The following ASIC2 variants were observed in gnomAD, a reference collection of about 807,000 sequenced individuals.
The protein encoded by ASIC2 is acid sensing ion channel subunit 2.
A neutral mutation model predicts 57.3 loss-of-function variants in ASIC2; 25 were observed. That is an observed-to-expected ratio of 0.44 (90% confidence interval 0.32 to 0.61). The LOEUF (loss-of-function observed/expected upper bound fraction) is 0.61, where lower values mean the gene tolerates loss of function less well. ASIC2 is among the 20% of genes least tolerant of loss of function. The probability of loss-of-function intolerance (pLI) is 0.06; values close to 1 mark genes in which losing one functional copy is unlikely to be tolerated. For synonymous variants in ASIC2, 319 were observed against 307.5 expected (o/e 1.04, Z -0.39); for missense variants, 641 against 738.1 (o/e 0.87, Z 1.52).
chr17:33,504,800 C>T (rs1365438741), intron 1 of ASIC2, among the ~76,000 whole-genome samples: 1 of 152,190 alleles, frequency 6.6e-6, no homozygotes, highest in African/African-American at 2.4e-5. Context: ...TTCCTGGGCT[C>T]AGTATGTAGA....
chr17:34,067,006 C>T (rs753283844), intron 1 of ASIC2, among the ~76,000 whole-genome samples: 1 of 152,212 alleles, frequency 6.6e-6, no homozygotes, highest in Non-Finnish European at 1.5e-5. Context: ...AACTGCAAGA[C>T]GGAACACTGC....
At chr17:33,672,813 C>T (rs1015635457) in intron 1 of ASIC2, among the ~76,000 whole-genome samples, 8 of 152,140 alleles carry the variant, frequency 5.3e-5, no homozygotes, top group South Asian at 2.1e-4. Context: ...TGAGATGAGA[C>T]GCCTGCAGAA....
intron 1 of ASIC2, among the ~76,000 whole-genome samples, chr17:33,141,938 T>C (rs1904328316): frequency 6.6e-6 from 1 of 152,202 alleles, no homozygotes; most frequent in African/African-American, 2.4e-5. Context: ...ATGTACAAAA[T>C]AGCAATAAGG....
chr17:34,049,921 T>G (rs140490755), intron 1 of ASIC2, among the ~76,000 whole-genome samples: 1 of 152,194 alleles, frequency 6.6e-6, no homozygotes, highest in African/African-American at 2.4e-5. Context: ...TTTACCTGCC[T>G]GACTCCTCAA....
chr17:33,044,720 T>A (rs138632706), intron 3 of ASIC2, among the ~76,000 whole-genome samples: 1 of 152,186 alleles, frequency 6.6e-6, no homozygotes, highest in African/African-American at 2.4e-5. Flanking sequence ...ATTGAGGCTA[T>A]GAAGATGAAT....
chr17:34,109,056 T>C (rs1598031127), intron 1 of ASIC2, among the ~76,000 whole-genome samples: 1 of 149,024 alleles, frequency 6.7e-6, no homozygotes. Flanking sequence ...TTTATTTTTA[T>C]TTTATTTTAT....
chr17:33,233,658 T>C (rs1908192599), intron 1 of ASIC2, among the ~76,000 whole-genome samples: 1 of 151,996 alleles, frequency 6.6e-6, no homozygotes, highest in African/African-American at 2.4e-5. Flanking sequence ...TGGGTGGATG[T>C]AGGCCACACA....
At chr17:33,894,049 G>A (rs1268310360) in intron 1 of ASIC2, among the ~76,000 whole-genome samples, 3 of 150,798 alleles carry the variant, frequency 2.0e-5, no homozygotes, top group African/African-American at 7.3e-5. Context: ...AAGCTGATTG[G>A]CTCTATATTT....
intron 1 of ASIC2, among the ~76,000 whole-genome samples, chr17:33,247,979 T>C (rs958384680): frequency 1.1e-4 from 16 of 152,204 alleles, no homozygotes; most frequent in East Asian, 7.7e-4. Flanking sequence ...TTGATATATA[T>C]TCGAACACAA....
At chr17:33,928,982 CCTT>C (rs764014333) in intron 1 of ASIC2, among the ~76,000 whole-genome samples, 1 of 152,126 alleles carries the variant, frequency 6.6e-6, no homozygotes, top group African/African-American at 2.4e-5. Context: ...ATGAAATTTT[CCTT>C]CTTCTTTCTT....
chr17:33,849,628 G>A (rs1435740702), intron 1 of ASIC2, among the ~76,000 whole-genome samples: 2 of 152,138 alleles, frequency 1.3e-5, no homozygotes, highest in Non-Finnish European at 2.9e-5. Flanking sequence ...CCTTCCCCTT[G>A]AGTATGGAAG....
intron 1 of ASIC2, chr17:33,627,166 C>G (rs902304559): frequency 2.6e-5 from 4 of 152,244 alleles, no homozygotes; most frequent in Non-Finnish European, 4.4e-5. Flanking sequence ...TCCTAGTCTG[C>G]CGGAACAAGC....
At chr17:33,304,999 C>T (rs1906110882) in intron 1 of ASIC2, among the ~76,000 whole-genome samples, 1 of 152,038 alleles carries the variant, frequency 6.6e-6, no homozygotes, top group African/African-American at 2.4e-5. Context: ...GTTTTATTTT[C>T]AGTTGAGCGG....
intron 3 of ASIC2, among the ~76,000 whole-genome samples, chr17:33,029,273 C>T (rs1598241960): frequency 6.6e-6 from 1 of 152,230 alleles, no homozygotes; most frequent in Non-Finnish European, 1.5e-5. Flanking sequence ...GTTTCTGTCC[C>T]TGTCCAATCA....
chr17:33,953,231 A>T (rs1904634835), intron 1 of ASIC2, among the ~76,000 whole-genome samples: 1 of 152,200 alleles, frequency 6.6e-6, no homozygotes, highest in Non-Finnish European at 1.5e-5. Flanking sequence ...GTGCACACAT[A>T]TTACACATTT....
At chr17:33,180,499 C>T (rs983210146) in intron 1 of ASIC2, among the ~76,000 whole-genome samples, 2 of 152,138 alleles carry the variant, frequency 1.3e-5, no homozygotes, top group African/African-American at 4.8e-5. Flanking sequence ...ACGTCCCTTG[C>T]TGGTGAGGTG....
intron 1 of ASIC2, among the ~76,000 whole-genome samples, chr17:33,567,630 T>G (rs1039215996): frequency 5.9e-5 from 9 of 152,238 alleles, no homozygotes; most frequent in Middle Eastern, 6.8e-3. Flanking sequence ...ATAGGACTTG[T>G]GGACAGGCTG....
At chr17:34,123,784 A>G (rs1911695203) in intron 1 of ASIC2, among the ~76,000 whole-genome samples, 1 of 152,166 alleles carries the variant, frequency 6.6e-6, no homozygotes, top group South Asian at 2.1e-4. Flanking sequence ...AAGCTTTTTA[A>G]AAATAGTAAG....
intron 1 of ASIC2, among the ~76,000 whole-genome samples, chr17:33,313,744 C>T (rs1049724106): frequency 6.6e-6 from 1 of 152,108 alleles, no homozygotes; most frequent in South Asian, 2.1e-4. Context: ...TTGCCCATTA[C>T]ACATGCCGTT....
Sources: gnomAD v4.1 joint callset for allele counts (sites outside exome capture counted in the v4.1 genomes callset) on GRCh38, gnomAD v4.1.1 for gene constraint, MANE v1.5 for transcripts, NCBI Gene and HGNC (gene_info 2026-07-23, HGNC 2026-07-21) for gene names.